FGF13: variants seen among roughly 807,000 people sequenced by gnomAD.
FGF13 encodes fibroblast growth factor 13, also known as fibroblast growth factor homologous factor 2.
FGF13 carries 2 observed loss-of-function variants against 19.5 expected under a neutral mutation model. That is an observed-to-expected ratio of 0.10 (90% CI 0.04 to 0.32). The LOEUF (loss-of-function observed/expected upper bound fraction) is 0.32. FGF13 is among the 10% of genes least tolerant of loss of function. The probability of loss-of-function intolerance (pLI) is 1.00; values close to 1 mark genes in which losing one functional copy is unlikely to be tolerated. For missense variants in FGF13, 113 were observed against 192.7 expected, an observed-to-expected ratio of 0.59 and a Z score of 2.45; for synonymous variants, 72 against 76.9, an observed-to-expected ratio of 0.94 and a Z score of 0.33.
intron 1 of FGF13, among the ~76,000 whole-genome samples, chrX:139,036,132 G>A (rs1031343941): frequency 8.9e-6 from 1 of 111,871 alleles, no homozygotes; most frequent in Non-Finnish European, 1.9e-5. Context: ...TATTGATTTT[G>A]ACCTTTGCCA....
At chrX:139,129,539 T>C (rs1256701137) in intron 1 of FGF13, among the ~76,000 whole-genome samples, 1 of 111,159 alleles carries the variant, frequency 9.0e-6, no homozygotes, top group African/African-American at 3.3e-5. Flanking sequence ...GATTGCATAT[T>C]AGAGACAGGC....
intron 1 of FGF13, among the ~76,000 whole-genome samples, chrX:139,172,672 C>T (rs771055665): frequency 3.6e-5 from 4 of 111,787 alleles, no homozygotes; most frequent in Non-Finnish European, 7.5e-5. Context: ...TTTCACCAAA[C>T]CCTATGGCAG....
intron 1 of FGF13, among the ~76,000 whole-genome samples, chrX:139,047,842 A>T (rs926605009): frequency 1.8e-5 from 2 of 111,881 alleles, no homozygotes; most frequent in African/African-American, 6.5e-5. Flanking sequence ...ATGTTTCAAC[A>T]AATTTGTAAT....
intron 1 of FGF13, among the ~76,000 whole-genome samples, chrX:139,077,925 C>T (rs1023592226): frequency 2.7e-5 from 3 of 111,588 alleles, no homozygotes; most frequent in Non-Finnish European, 3.8e-5. Context: ...CAAGGGCACA[C>T]GACTAGCAAG....
intron 1 of FGF13, among the ~76,000 whole-genome samples, chrX:139,056,832 A>G (rs1224427116): frequency 8.9e-6 from 1 of 112,276 alleles, no homozygotes; most frequent in African/African-American, 3.2e-5. Flanking sequence ...CGAGCCTTCA[A>G]TGGGAGGAGA....
chrX:138,818,499 G>GACACACAC (rs371760908), intron 3 of FGF13, among the ~76,000 whole-genome samples: 336 of 84,773 alleles, frequency 4.0e-3, no homozygotes, highest in South Asian at 0.017. Flanking sequence ...TATATGCACA[G>GACACACAC]ACACACACAC....
chrX:138,944,953 G>C (rs111896505), intron 1 of FGF13, among the ~76,000 whole-genome samples: 176 of 109,865 alleles, frequency 1.6e-3, no homozygotes, highest in African/African-American at 5.7e-3. Context: ...TCCACTATTT[G>C]TCTCATACAG....
intron 3 of FGF13, among the ~76,000 whole-genome samples, chrX:138,804,160 T>C (rs144501899): frequency 0.019 from 2,151 of 111,462 alleles, 42 homozygotes; most frequent in Admixed American, 0.076. Context: ...TACATTTTCT[T>C]TTTCATTCAC....
chrX:138,682,005 C>T (rs922295683), intron 3 of FGF13, among the ~76,000 whole-genome samples: 1 of 112,231 alleles, frequency 8.9e-6, no homozygotes. Flanking sequence ...TCAAGAATTA[C>T]CAAATGTTAC....
intron 3 of FGF13, among the ~76,000 whole-genome samples, chrX:138,682,484 CTTTG>C (rs1463153949): frequency 8.9e-6 from 1 of 111,734 alleles, no homozygotes; most frequent in Non-Finnish European, 1.9e-5. Context: ...GTGTGCGCAC[CTTTG>C]TTTAATTTGC....
At chrX:139,028,612 TGTGTGA>T (rs1236880699) in intron 1 of FGF13, among the ~76,000 whole-genome samples, 918 of 54,010 alleles carry the variant, frequency 0.017, 12 homozygotes, top group African/African-American at 0.067. Flanking sequence ...TGTGTGTGTG[TGTGTGA>T]GAGAGAGAGA....
intron 1 of FGF13, among the ~76,000 whole-genome samples, chrX:138,984,626 G>GGAGGAA (rs1569436241): frequency 2.8e-4 from 18 of 65,029 alleles, no homozygotes; most frequent in Non-Finnish European, 3.5e-4. Flanking sequence ...ATGAGGAAGA[G>GGAGGAA]GAGGAGGAGG....
At chrX:138,776,690 C>G (rs2090590169) in intron 3 of FGF13, among the ~76,000 whole-genome samples, 1 of 112,235 alleles carries the variant, frequency 8.9e-6, no homozygotes, top group Admixed American at 9.4e-5. Flanking sequence ...ATAAACCTAT[C>G]TGAATATGCA....
chrX:138,700,044 C>T (rs1428183390), intron 3 of FGF13, among the ~76,000 whole-genome samples: 2 of 110,052 alleles, frequency 1.8e-5, no homozygotes, highest in African/African-American at 6.6e-5. Flanking sequence ...CTGAAGACAC[C>T]TCATTCTCAT....
chrX:138,746,364 A>C (rs1448268380), intron 3 of FGF13, among the ~76,000 whole-genome samples: 2 of 110,898 alleles, frequency 1.8e-5, no homozygotes, highest in Non-Finnish European at 3.8e-5. Context: ...CCTCGTTGTG[A>C]GGATGAAGAC....
At chrX:139,204,186 G>A (rs41304506), upstream of FGF13, 8,880 of 968,275 alleles carry the variant, frequency 9.2e-3, 43 homozygotes, top group Non-Finnish European at 9.7e-3. Flanking sequence ...AGAGTGCTTA[G>A]GGCGGCAAGT....
chrX:138,633,074 T>C, intron 4 of FGF13, 88 bp from the exon 5 acceptor site: 3 of 966,481 alleles, frequency 3.1e-6, no homozygotes, highest in Middle Eastern at 3.2e-4. Flanking sequence ...AGGTGTTCTA[T>C]TCCACACACC....
At chrX:138,775,971 A>G (rs911604053) in intron 3 of FGF13, among the ~76,000 whole-genome samples, 1 of 112,543 alleles carries the variant, frequency 8.9e-6, no homozygotes, top group Non-Finnish European at 1.9e-5. Context: ...CTGGAGGAGC[A>G]CTCAGACTTC....
chrX:138,972,383 G>A (rs1204398386), intron 1 of FGF13, among the ~76,000 whole-genome samples: 1 of 96,797 alleles, frequency 1.0e-5, no homozygotes, highest in Non-Finnish European at 2.0e-5. Flanking sequence ...TTGAATCAGA[G>A]TCTTGCTTTG....
Sources: gnomAD v4.1 joint callset for allele counts (sites outside exome capture counted in the v4.1 genomes callset) on GRCh38, gnomAD v4.1.1 for gene constraint, MANE v1.5 for transcripts, NCBI Gene and HGNC (gene_info 2026-07-23, HGNC 2026-07-21) for gene names.